The following RUNX2 variants were observed in gnomAD, a reference collection of about 807,000 sequenced individuals.
RUNX2 encodes the protein runt-related transcription factor 2.
In RUNX2, 10 loss-of-function variants were observed where a neutral mutation model predicts 51.7. The observed-to-expected ratio is 0.19, with a 90% CI of 0.12 to 0.33. RUNX2 has a LOEUF of 0.33. Ranked by LOEUF, RUNX2 falls within the 10% of genes least tolerant of loss-of-function variation. The pLI is 1.00. For missense variants in RUNX2, 562 were observed against 691.3 expected (o/e 0.81, Z 2.10); for synonymous variants, 276 against 273.6 (o/e 1.01, Z -0.09).
rs759395776 is a variant in RUNX2, at chr6:45,422,708, ACAGCAGCAG to A, written c.186_194del (p.Gln69_Gln71del). 8 of 1,583,332 alleles carry A rather than the reference ACAGCAGCAG, an allele frequency of 5.1e-6. No homozygotes were observed. Among genetic ancestry groups the A allele is most frequent in the African/African-American group, 2.7e-5 (2 of 73,122 alleles). On this transcript the variant is annotated inframe_deletion, in exon 3 of 9. Transcript: ENST00000647337. ...AGCAGCAGCAACAGCAGCAGCAGCA[ACAGCAGCAG>A]CAGCAGCAGCAACAGCAGCAGCAGC...
chr6:45,413,579 C>T lies in RUNX2; in HGVS notation c.59-9014C>T, dbSNP rs149334497. On this transcript the variant is annotated intron_variant, in intron 2 of 8. Coordinates refer to ENST00000647337, the MANE Select transcript of RUNX2 (RefSeq NM_001024630.4). ...CTGAGTAGCTGGGATTACAGGTACA[C>T]GCTACCACACCTGGCTAATTTTTGT... is the stretch of plus-strand genomic sequence containing the variant. 9.9e-3 allele frequency among the ~76,000 whole-genome samples: 1,498 copies of T among 151,568 alleles called. 10 individuals carry two copies. The highest frequency in any genetic ancestry group is 0.015 in the Non-Finnish European group (1,031 of 67,892).
chr6:45,340,007 C>T (rs1789424738), intron 2 of RUNX2, among the ~76,000 whole-genome samples: 1 of 152,126 alleles, frequency 6.6e-6, no homozygotes, highest in African/African-American at 2.4e-5. Context: ...GGTAAAGGAA[C>T]TTGCTCAAGG....
At chr6:45,481,298 A>G (rs1800106141) in intron 5 of RUNX2, among the ~76,000 whole-genome samples, 1 of 152,206 alleles carries the variant, frequency 6.6e-6, no homozygotes, top group Non-Finnish European at 1.5e-5. Flanking sequence ...ATTGGCAAAT[A>G]AACAGTGATG....
intron 2 of RUNX2, among the ~76,000 whole-genome samples, chr6:45,392,292 G>A (rs1383975732): frequency 6.6e-6 from 1 of 152,118 alleles, no homozygotes; most frequent in African/African-American, 2.4e-5. Context: ...ATTGCTTGAG[G>A]CTGGGAGTTT....
intron 3 of RUNX2, among the ~76,000 whole-genome samples, chr6:45,429,053 A>G (rs1049405384): frequency 6.6e-6 from 1 of 152,204 alleles, no homozygotes; most frequent in South Asian, 2.1e-4. Context: ...TCATCTTACA[A>G]AAAGCACATC....
At chr6:45,477,916 A>G (rs945088113) in intron 5 of RUNX2, among the ~76,000 whole-genome samples, 20 of 152,048 alleles carry the variant, frequency 1.3e-4, no homozygotes, top group African/African-American at 4.8e-5. Context: ...GCCCTTCAGC[A>G]TCTGCTCTGC....
rs182573580 is a variant in RUNX2, at chr6:45,380,724, G to T, written c.59-41869G>T. 5.5e-3 allele frequency among the ~76,000 whole-genome samples: 837 copies of T among 152,262 alleles called. 7 individuals carry two copies. Among genetic ancestry groups the T allele is most frequent in the African/African-American group, 0.019 (804 of 41,532 alleles). On this transcript the variant is annotated intron_variant, in intron 2 of 8. Transcript: ENST00000647337. Reference sequence around the variant, plus strand: ...CCTGAGTAGCTGGGATTACAGGCGTGTGCCACCACGCCCGGGTAATTTTTG... The same window carrying T: ...CCTGAGTAGCTGGGATTACAGGCGTTTGCCACCACGCCCGGGTAATTTTTG...
intron 2 of RUNX2, among the ~76,000 whole-genome samples, chr6:45,337,672 C>A (rs1273525725): frequency 6.6e-6 from 1 of 151,494 alleles, no homozygotes; most frequent in Non-Finnish European, 1.5e-5. Flanking sequence ...ATCCTCAGAG[C>A]AAAACATTTT....
At chr6:45,483,956 TG>T (rs1371433714) in intron 5 of RUNX2, among the ~76,000 whole-genome samples, 10 of 152,238 alleles carry the variant, frequency 6.6e-5, no homozygotes, top group African/African-American at 2.4e-4. Flanking sequence ...CCTTATTTGC[TG>T]GGCTCAGGGG....
intron 3 of RUNX2, among the ~76,000 whole-genome samples, chr6:45,428,149 A>G (rs1338343848): frequency 1.3e-5 from 2 of 152,176 alleles, no homozygotes; most frequent in Non-Finnish European, 2.9e-5. Context: ...ATTTGTGCTT[A>G]TTCCTAACTA....
At chr6:45,423,588 G>C (rs1374622692) in intron 3 of RUNX2, among the ~76,000 whole-genome samples, 1 of 151,150 alleles carries the variant, frequency 6.6e-6, no homozygotes, top group African/African-American at 2.4e-5. Flanking sequence ...CCGGTGCCGG[G>C]CATTAGTGCC....
chr6:45,443,621 T>C (rs1798903715), intron 5 of RUNX2, among the ~76,000 whole-genome samples: 1 of 152,252 alleles, frequency 6.6e-6, no homozygotes, highest in Non-Finnish European at 1.5e-5. Flanking sequence ...CTAGGGGACA[T>C]TCAAAGAAAA....
chr6:45,529,815 G>A (rs115470430), intron 7 of RUNX2, among the ~76,000 whole-genome samples: 2,484 of 152,236 alleles, frequency 0.016, 69 homozygotes, highest in African/African-American at 0.056. Context: ...GAGCCAAGAG[G>A]TCTGAATCCT....
intron 2 of RUNX2, among the ~76,000 whole-genome samples, chr6:45,388,142 G>A (rs1797394506): frequency 6.6e-6 from 1 of 152,184 alleles, no homozygotes; most frequent in Non-Finnish European, 1.5e-5. Flanking sequence ...TGCAAAGATA[G>A]AATTAGACCC....
At chr6:45,378,174 G>T (rs577151925) in intron 2 of RUNX2, among the ~76,000 whole-genome samples, 1 of 152,350 alleles carries the variant, frequency 6.6e-6, no homozygotes, top group East Asian at 1.9e-4. Flanking sequence ...GAGCCACGCG[G>T]CGGCGTTTAG....
rs554781331 is a variant in RUNX2 at position 45,537,449 on chromosome 6, CT to C, written c.1022-7761del. On this transcript the variant is annotated intron_variant, in intron 7 of 8. Transcript: ENST00000647337. The stretch of plus-strand genomic sequence containing the variant: ...CTGATCTGTAACTTCGACGAAATCA[CT>C]TTTTTTGAGCTTGAGTTTGCCATTC... Among the ~76,000 whole-genome samples, 7 of 152,274 alleles carry C rather than the reference CT, an allele frequency of 4.6e-5. No individual in the cohort carries two copies. In the South Asian group the frequency reaches 6.2e-4, roughly 14 times the overall value.
intron 5 of RUNX2, among the ~76,000 whole-genome samples, chr6:45,468,314 A>ATGCC (rs1799698376): frequency 6.6e-6 from 1 of 152,256 alleles, no homozygotes; most frequent in Non-Finnish European, 1.5e-5. Context: ...ATAAAAGAAA[A>ATGCC]ATAAAGGAAC....
At position 45,460,528 on chromosome 6, in the gene RUNX2, G is replaced by A. The variant is rs1799445791; in HGVS notation, c.685+22477G>A. 3.3e-5 allele frequency among the ~76,000 whole-genome samples: 5 copies of A among 152,160 alleles called. No homozygotes were observed. The South Asian group carries it at 1.0e-3, about 32-fold the overall frequency. The stretch of plus-strand genomic sequence containing the variant: ...AACACACTTTCAGGATGTTTAAAGG[G>A]AGCAGGGAAATGGGGCAGTAACCGG... On this transcript the variant is annotated intron_variant, in intron 5 of 8. Transcript: ENST00000647337.
intron 5 of RUNX2, among the ~76,000 whole-genome samples, chr6:45,462,287 AG>A (rs1026810542): frequency 6.6e-6 from 1 of 152,218 alleles, no homozygotes; most frequent in African/African-American, 2.4e-5. Context: ...GGAAATAAGA[AG>A]GGGGCGGCAT....
Sources: allele counts gnomAD v4.1 joint callset (sites outside exome capture counted in the v4.1 genomes callset), GRCh38; gene constraint gnomAD v4.1.1; transcripts MANE v1.5; gene names NCBI Gene and HGNC (gene_info 2026-07-23, HGNC 2026-07-21).